The following DEF6 variants were observed in gnomAD, a reference collection of about 807,000 sequenced individuals.
DEF6 encodes differentially expressed in FDCP 6 homolog.
In DEF6, 32 loss-of-function variants were observed where a neutral mutation model predicts 80.5. That is an observed-to-expected ratio of 0.40 (90% CI 0.30 to 0.53). The LOEUF (loss-of-function observed/expected upper bound fraction) is 0.53, where lower values mean the gene tolerates loss of function less well. Among genes scored for constraint, DEF6 ranks in the 20% least tolerant of loss-of-function variants. The pLI is 0.57. For synonymous variants in DEF6, 300 were observed against 337.9 expected (o/e 0.89, Z 1.23); for missense variants, 575 against 818.7 (o/e 0.70, Z 3.63).
intron 5 of DEF6, among the ~76,000 whole-genome samples, chr6:35,315,827 ACGG>A (rs1310235004): frequency 1.4e-5 from 2 of 145,718 alleles, no homozygotes; most frequent in Non-Finnish European, 3.0e-5. Context: ...ATCAACTCTA[ACGG>A]TTTTTTGTTG....
intron 1 of DEF6, among the ~76,000 whole-genome samples, chr6:35,308,163 T>G (rs1018974120): frequency 6.6e-6 from 1 of 152,200 alleles, no homozygotes; most frequent in African/African-American, 2.4e-5. Context: ...TCCAAACCTC[T>G]GTGTCTTCAC....
In DEF6 at chr6:35,312,836, G is replaced by C; in HGVS notation, c.807+64G>C. The C allele has an allele frequency of 6.0e-6, 9 of 1,509,102 alleles. No individual in the cohort carries two copies. Among genetic ancestry groups the C allele is most frequent in the Non-Finnish European group, 8.1e-6 (9 of 1,107,820 alleles). 93.5% of individuals were successfully genotyped at this position (1,509,102 alleles called of 1,614,324 possible). On this transcript the variant is annotated intron_variant, in intron 5 of 10. Transcript: ENST00000316637. This position sits in a 1 kb window ranked among gnomAD's most constrained non-coding sequence, Gnocchi z 6.6. ...CAGAGTGTCCTCAGGGGCATGAGAA[G>C]ACAAGGGGGTCAGGAGAGGGGCAAA... is the stretch of plus-strand genomic sequence containing the variant.
chr6:35,309,544 C>A, intron 1 of DEF6, 126 bp from the exon 2 acceptor site: 1 of 1,050,482 alleles, frequency 9.5e-7, no homozygotes, highest in Non-Finnish European at 1.4e-6. Flanking sequence ...TATTACTGAA[C>A]TGAACAGTGT....
At chr6:35,310,710 A>T in intron 3 of DEF6, 66 bp downstream of exon 3, 1 of 1,549,900 alleles carries the variant, frequency 6.5e-7, no homozygotes, top group Non-Finnish European at 8.9e-7. Flanking sequence ...ACCATGAATG[A>T]GACCAAACCA....
At position 35,311,460 on chromosome 6, in the gene DEF6, G is replaced by C. The variant is rs1368242525; in HGVS notation, c.423+816G>C. On this transcript the variant is annotated intron_variant, in intron 3 of 10. Transcript: ENST00000316637. ...AGGGAACCACCCGAGCCCTGAACCA[G>C]TGCCCTCTACTAAACACCCAAACAA... is the stretch of plus-strand genomic sequence containing the variant. Among the ~76,000 whole-genome samples the C allele has an allele frequency of 2.6e-5, 4 of 152,168 alleles. No homozygotes were observed. The East Asian group carries it at 7.7e-4, about 29-fold the overall frequency.
chr6:35,321,288 G>A lies in DEF6; in HGVS notation c.1774G>A (p.Gly592Ser). ...LKRLTRWGSQ[G>S]NRTPSPNSNE... ...GCGCCTGACCCGCTGGGGATCCCAGGGCAACAGGACCCCCTCGCCCAACAG... is the reference window on the plus strand; with the variant it reads ...GCGCCTGACCCGCTGGGGATCCCAGAGCAACAGGACCCCCTCGCCCAACAG... The change falls in exon 11 of 11, where the codon GGC (glycine) becomes AGC (serine). Residue 592 changes from glycine to serine, a missense_variant. Gly to Ser is a moderately conservative substitution (Grantham distance 56). Coordinates refer to ENST00000316637, the MANE Select transcript of DEF6 (RefSeq NM_022047.4). The A allele has an allele frequency of 6.2e-7, 1 of 1,613,818 alleles. No homozygotes were observed. The highest frequency in any genetic ancestry group is 8.5e-7 in the Non-Finnish European group (1 of 1,179,958).
chr6:35,300,006 C>G (rs1045172581), intron 1 of DEF6, among the ~76,000 whole-genome samples: 5 of 152,090 alleles, frequency 3.3e-5, no homozygotes, highest in East Asian at 1.9e-4. Flanking sequence ...GGGAAAAGAC[C>G]TTGGAGTCAA....
chr6:35,312,823 A>G lies in DEF6; in HGVS notation c.807+51A>G. On this transcript the variant is annotated intron_variant, in intron 5 of 10. Transcript: ENST00000316637. This position sits in a 1 kb window ranked among gnomAD's most constrained non-coding sequence, Gnocchi z 6.6. Reference sequence around the variant, plus strand: ...ACATCTCAGGGCCCAGAGTGTCCTCAGGGGCATGAGAAGACAAGGGGGTCA... The same window carrying G: ...ACATCTCAGGGCCCAGAGTGTCCTCGGGGGCATGAGAAGACAAGGGGGTCA... 8.4e-7 allele frequency: 1 copy of G among 1,196,750 alleles called. No individual in the cohort carries two copies. The allele number at this position is 1,196,750 out of a possible 1,614,324, so 74.1% of individuals were successfully genotyped here. A position where few individuals can be genotyped will look rare whatever the true frequency, so the allele number is the denominator to read the frequency against.
In DEF6 at chr6:35,318,267, G is replaced by T; in HGVS notation, c.1011G>T (p.Glu337Asp). Residue 337 changes from glutamate to aspartate, a missense_variant, in exon 7 of 11, where the codon GAG becomes GAT. Physicochemically the swap from Glu to Asp is conservative, Grantham distance 45. Coordinates refer to ENST00000316637, the MANE Select transcript of DEF6 (RefSeq NM_022047.4). This position sits in a 1 kb window ranked among gnomAD's most constrained non-coding sequence, Gnocchi z 5.1. The stretch of plus-strand genomic sequence containing the variant: ...GGCGCGAGCAGCGGGAGCAGCGGGA[G>T]CGGCGCCGGGCGGCCAAGGAAGAGG... ...QKRREQREQR[E>D]RRRAAKEEEL... 1 of 1,569,894 alleles carries T rather than the reference G, an allele frequency of 6.4e-7. No homozygotes were observed.
intron 1 of DEF6, among the ~76,000 whole-genome samples, chr6:35,302,243 C>T (rs1226608151): frequency 6.6e-6 from 1 of 152,250 alleles, no homozygotes; most frequent in Non-Finnish European, 1.5e-5. Context: ...CCTATAGTTC[C>T]TGCTACTCTG....
At chr6:35,315,054 G>A (rs1298498281) in intron 5 of DEF6, among the ~76,000 whole-genome samples, 1 of 152,168 alleles carries the variant, frequency 6.6e-6, no homozygotes, top group East Asian at 1.9e-4. Flanking sequence ...TGTTCCTGGA[G>A]CCTTTGTCAA....
At chr6:35,309,546 G>T in intron 1 of DEF6, 124 bp from the exon 2 acceptor site, 2 of 1,082,004 alleles carry the variant, frequency 1.8e-6, no homozygotes, top group South Asian at 2.9e-5. Flanking sequence ...TTACTGAACT[G>T]AACAGTGTGT....
At position 35,319,506 on chromosome 6, in the gene DEF6, C is replaced by T. The variant is rs756297781; in HGVS notation, c.1216-18C>T. ...CCTTTTGACCTGGCTCTTGGTCCAC[C>T]ACCTCCCCCCTCCACAGGCCCGGGC... On this transcript the variant is annotated intron_variant, in intron 7 of 10. Coordinates refer to ENST00000316637, the MANE Select transcript of DEF6 (RefSeq NM_022047.4). The surrounding 1 kb of genome is among the most constrained non-coding windows in gnomAD (Gnocchi z 4.5). The T allele has an allele frequency of 1.1e-5, 17 of 1,598,456 alleles. No individual in the cohort carries two copies. In the South Asian group the frequency reaches 1.7e-4, roughly 16 times the overall value.
rs371305394 is a variant in DEF6 at position 35,297,834 on chromosome 6, C to T, written c.-23C>T. The T allele has an allele frequency of 1.9e-5, 30 of 1,571,018 alleles. No individual in the cohort carries two copies. The Admixed American group carries it at 3.2e-4, about 17-fold the overall frequency. ...CCGGATCTTAGTGTCAGAGCCGCCCCCAGCCGGGCGGGCGCCTCAGCCATG... is the reference window on the plus strand; with the variant it reads ...CCGGATCTTAGTGTCAGAGCCGCCCTCAGCCGGGCGGGCGCCTCAGCCATG... On this transcript the variant is annotated 5_prime_UTR_variant, in exon 1 of 11. Coordinates refer to ENST00000316637, the MANE Select transcript of DEF6 (RefSeq NM_022047.4).
At chr6:35,300,058 A>G (rs563132099) in intron 1 of DEF6, among the ~76,000 whole-genome samples, 3 of 152,254 alleles carry the variant, frequency 2.0e-5, no homozygotes, top group Admixed American at 1.3e-4. Context: ...ATCTTGTTCT[A>G]TCACTCATGC....
At chr6:35,302,358 TAAAA>T (rs879649753) in intron 1 of DEF6, among the ~76,000 whole-genome samples, 3 of 146,576 alleles carry the variant, frequency 2.0e-5, no homozygotes, top group African/African-American at 7.5e-5. Context: ...GATTCTTTCT[TAAAA>T]AAAAAAAGTC....
chr6:35,312,595 G>C lies in DEF6; in HGVS notation c.661-31G>C. 1 of 1,614,190 alleles carries C rather than the reference G, an allele frequency of 6.2e-7. No homozygotes were observed. Among genetic ancestry groups the C allele is most frequent in the Non-Finnish European group, 8.5e-7 (1 of 1,180,016 alleles). ...CAAGGTGCAGGGCGAAGGGGGGCCT[G>C]GGAAGCCTCTGACGTAACTCCGGCT... On this transcript the variant is annotated intron_variant, in intron 4 of 10. Coordinates refer to ENST00000316637, the MANE Select transcript of DEF6 (RefSeq NM_022047.4). This position sits in a 1 kb window ranked among gnomAD's most constrained non-coding sequence, Gnocchi z 6.6.
intron 1 of DEF6, among the ~76,000 whole-genome samples, chr6:35,298,687 CTT>C (rs962555248): frequency 6.6e-6 from 1 of 152,206 alleles, no homozygotes; most frequent in Non-Finnish European, 1.5e-5. Context: ...TTTTCTCTCT[CTT>C]CCTCTAGTCC....
At chr6:35,306,596 C>T (rs577254144) in intron 1 of DEF6, among the ~76,000 whole-genome samples, 8 of 152,064 alleles carry the variant, frequency 5.3e-5, no homozygotes, top group African/African-American at 1.9e-4. Flanking sequence ...TAGATTCTTT[C>T]TGTATACAAA....
Sources: gnomAD v4.1 joint callset for allele counts (sites outside exome capture counted in the v4.1 genomes callset) on GRCh38, gnomAD v4.1.1 for gene constraint, Gnocchi (gnomAD v3.1) non-coding constraint, MANE v1.5 for transcripts, NCBI Gene and HGNC (gene_info 2026-07-23, HGNC 2026-07-21) for gene names.